Variants in TTC7A observed in about 807,000 individuals in gnomAD.
TTC7A encodes tetratricopeptide repeat domain 7A.
In TTC7A, 110 loss-of-function variants were observed where a neutral mutation model predicts 103.7. The ratio of observed to expected loss-of-function variants is 1.06; its 90% CI spans 0.91 to 1.24. The LOEUF (loss-of-function observed/expected upper bound fraction) is 1.24. Ranked by LOEUF, TTC7A falls within the 50% of genes most tolerant of loss-of-function variation. TTC7A has a pLI of 0.00. For missense variants in TTC7A, 1,340 were observed against 1,116.3 expected (o/e 1.20, Z -2.86); for synonymous variants, 521 against 467.9 (o/e 1.11, Z -1.47).
chr2:47,073,162 G>C (rs969022160), intron 19 of TTC7A, among the ~76,000 whole-genome samples: 1 of 152,154 alleles, frequency 6.6e-6, no homozygotes, highest in Non-Finnish European at 1.5e-5. Context: ...AGTGGTGAAG[G>C]CCTGTAATGC....
chr2:47,047,278 C>T, intron 16 of TTC7A: 2 of 1,548,134 alleles, frequency 1.3e-6, no homozygotes, highest in Non-Finnish European at 1.7e-6. Flanking sequence ...ACTTTAGGAG[C>T]CCAGAAGGCT....
At chr2:47,016,584 G>A (rs143170091) in intron 11 of TTC7A, among the ~76,000 whole-genome samples, 1 of 152,336 alleles carries the variant, frequency 6.6e-6, no homozygotes, top group South Asian at 2.1e-4. Context: ...TTCAAGAGCA[G>A]TGTATCACTG....
intron 11 of TTC7A, among the ~76,000 whole-genome samples, chr2:47,016,662 C>A: frequency 6.6e-6 from 1 of 152,204 alleles, no homozygotes; most frequent in Non-Finnish European, 1.5e-5. Context: ...AAGGAAAGCC[C>A]GGTGCTGTAA....
intron 3 of TTC7A, among the ~76,000 whole-genome samples, chr2:46,959,573 G>A (rs1672197231): frequency 6.6e-6 from 1 of 152,138 alleles, no homozygotes; most frequent in African/African-American, 2.4e-5. Flanking sequence ...TTTTAGGGGA[G>A]TCAGGAGCAG....
Position 47,007,768 on chromosome 2 carries a change from G to T in TTC7A, c.1287+1044G>T, listed in dbSNP as rs148143182. Among the ~76,000 whole-genome samples the T allele has an allele frequency of 3.5e-4, 53 of 152,302 alleles. No homozygotes were observed. The highest frequency in any genetic ancestry group is 1.1e-3 in the African/African-American group (45 of 41,564). ...AGCCTTCCCTACCCCCATCTGCTGGGCATGTGTCTTTCCAAACCTCTCTCC... is the reference window on the plus strand; with the variant it reads ...AGCCTTCCCTACCCCCATCTGCTGGTCATGTGTCTTTCCAAACCTCTCTCC... On this transcript the variant is annotated intron_variant, in intron 10 of 19. Transcript: ENST00000319190. This position sits in a 1 kb window ranked among gnomAD's most constrained non-coding sequence, Gnocchi z 4.9.
intron 8 of TTC7A, among the ~76,000 whole-genome samples, chr2:47,005,140 T>C (rs1677241298): frequency 6.6e-6 from 1 of 151,638 alleles, no homozygotes; most frequent in African/African-American, 2.4e-5. Context: ...AGTTCTTGAG[T>C]GTGGGGAAGC....
At position 46,992,909 on chromosome 2, in the gene TTC7A, A is replaced by G. The variant is rs6544947; in HGVS notation, c.765-541A>G. On this transcript the variant is annotated intron_variant, in intron 5 of 19. Transcript: ENST00000319190. Reference sequence around the variant, plus strand: ...TGCCATGTAAGATGTATTTGTCACTATGGCTCACACTTTTAAAAGCTTGAA... The same window carrying G: ...TGCCATGTAAGATGTATTTGTCACTGTGGCTCACACTTTTAAAAGCTTGAA... Among the ~76,000 whole-genome samples, 1,379 of 152,334 alleles carry G rather than the reference A, an allele frequency of 9.1e-3. 23 individuals carry two copies. Among genetic ancestry groups the G allele is most frequent in the African/African-American group, 0.032 (1,322 of 41,556 alleles).
chr2:46,920,629 C>T (rs751876607), intron 2 of TTC7A, among the ~76,000 whole-genome samples: 3 of 150,180 alleles, frequency 2.0e-5, no homozygotes, highest in Non-Finnish European at 4.4e-5. Context: ...CCATGCCTGG[C>T]CTTAGTCTTA....
chr2:46,937,967 C>T (rs190092510), upstream of TTC7A, among the ~76,000 whole-genome samples: 1 of 152,156 alleles, frequency 6.6e-6, no homozygotes, highest in Admixed American at 6.5e-5. The surrounding 1 kb of genome is among the most constrained non-coding windows in gnomAD (Gnocchi z 4.0). Context: ...GACTTCAGGG[C>T]TAGGTCCTTT....
At chr2:46,930,556 G>A (rs1350211059) in intron 2 of TTC7A, among the ~76,000 whole-genome samples, 1 of 147,564 alleles carries the variant, frequency 6.8e-6, no homozygotes, top group African/African-American at 2.5e-5. Context: ...CTGGAATGCA[G>A]TGGCGCGATC....
At chr2:46,957,337 C>T (rs190864873) in intron 3 of TTC7A, among the ~76,000 whole-genome samples, 1 of 152,360 alleles carries the variant, frequency 6.6e-6, no homozygotes, top group East Asian at 1.9e-4. Flanking sequence ...CCCAGGGTTA[C>T]CATGACCAAG....
At chr2:47,012,302 C>G (rs1462866565) in intron 11 of TTC7A, among the ~76,000 whole-genome samples, 1 of 152,226 alleles carries the variant, frequency 6.6e-6, no homozygotes, top group Non-Finnish European at 1.5e-5. Flanking sequence ...CCTCCTATTT[C>G]TACCCTCTCA....
intron 19 of TTC7A, among the ~76,000 whole-genome samples, chr2:47,072,357 C>T (rs1211151595): frequency 6.6e-6 from 1 of 152,210 alleles, no homozygotes; most frequent in Non-Finnish European, 1.5e-5. Flanking sequence ...CTCCCCCGCC[C>T]CCTGGCCGCA....
Position 47,029,193 on chromosome 2 carries a change from G to T in TTC7A, c.1642-31G>T, listed in dbSNP as rs1297780078. The T allele has an allele frequency of 6.2e-6, 10 of 1,611,166 alleles. No homozygotes were observed. The Admixed American group carries it at 8.3e-5, about 13-fold the overall frequency. On this transcript the variant is annotated intron_variant, in intron 14 of 19. Transcript: ENST00000319190. The stretch of plus-strand genomic sequence containing the variant: ...GAGTCCCAGGGCAGCATGTGCCTGG[G>T]GAAGGCTAACCTGGCGGGTTCCTTC...
intron 2 of TTC7A, among the ~76,000 whole-genome samples, chr2:46,925,295 T>C (rs1418608251): frequency 6.6e-6 from 1 of 152,120 alleles, no homozygotes; most frequent in Non-Finnish European, 1.5e-5. Context: ...CAGTGGCTCA[T>C]GCCTATAATC....
intron 7 of TTC7A, among the ~76,000 whole-genome samples, chr2:46,994,823 T>C (rs1253663183): frequency 6.6e-6 from 1 of 152,212 alleles, no homozygotes; most frequent in Non-Finnish European, 1.5e-5. Context: ...GTGCGGTCTG[T>C]AGCCAACCAG....
intron 3 of TTC7A, among the ~76,000 whole-genome samples, chr2:46,959,538 G>T (rs755130530): frequency 6.6e-6 from 1 of 152,110 alleles, no homozygotes; most frequent in Non-Finnish European, 1.5e-5. Flanking sequence ...AGTGTGGAGC[G>T]GTTCCAACAT....
At chr2:46,959,296 A>T (rs1223687326) in intron 3 of TTC7A, among the ~76,000 whole-genome samples, 1 of 152,146 alleles carries the variant, frequency 6.6e-6, no homozygotes, top group Non-Finnish European at 1.5e-5. Context: ...GCTCCGTTTG[A>T]TGCTGGGCTG....
chr2:46,974,048 C>T (rs910840418), intron 3 of TTC7A, among the ~76,000 whole-genome samples: 7 of 152,310 alleles, frequency 4.6e-5, no homozygotes, highest in Non-Finnish European at 7.4e-5. Flanking sequence ...TAGGCTCAAT[C>T]GTCCAAAGTG....
Sources: allele counts gnomAD v4.1 joint callset (sites outside exome capture counted in the v4.1 genomes callset), GRCh38; gene constraint gnomAD v4.1.1; non-coding constraint Gnocchi (gnomAD v3.1); transcripts MANE v1.5; gene names NCBI Gene and HGNC (gene_info 2026-07-23, HGNC 2026-07-21).